The following ARB2A variants were observed in gnomAD, a reference collection of about 807,000 sequenced individuals.
ARB2A encodes the protein cotranscriptional regulator ARB2A.
chr5:94,017,788 G>C, the ARB2A span, among the ~76,000 whole-genome samples: 80 of 152,276 alleles, frequency 5.3e-4, no homozygotes, highest in African/African-American at 1.8e-3. Flanking sequence ...GTGTAGCCTG[G>C]AAGTGGATGA....
At chr5:94,058,571 T>G in the ARB2A span, among the ~76,000 whole-genome samples, 2 of 152,284 alleles carry the variant, frequency 1.3e-5, no homozygotes, top group African/African-American at 4.8e-5. Context: ...AAATTAAAAA[T>G]AGACTGTTAA....
At chr5:93,925,291 C>T in the ARB2A span, among the ~76,000 whole-genome samples, 22 of 152,152 alleles carry the variant, frequency 1.4e-4, no homozygotes, top group South Asian at 4.2e-3. Context: ...CAGCATTGTA[C>T]GAGACTATGA....
At chr5:94,065,928 T>G in the ARB2A span, among the ~76,000 whole-genome samples, 1 of 152,174 alleles carries the variant, frequency 6.6e-6, no homozygotes, top group Non-Finnish European at 1.5e-5. Flanking sequence ...GTATACATTT[T>G]CTTCATATCA....
At chr5:94,031,282 G>A in the ARB2A span, among the ~76,000 whole-genome samples, 1 of 152,182 alleles carries the variant, frequency 6.6e-6, no homozygotes, top group African/African-American at 2.4e-5. Context: ...GTCATAACCA[G>A]AATGCTGATA....
chr5:93,621,068 G>C, the ARB2A span: 1 of 1,612,148 alleles, frequency 6.2e-7, no homozygotes, highest in African/African-American at 1.3e-5. Flanking sequence ...CTGAGGCTTC[G>C]GTAAAGAATT....
the ARB2A span, among the ~76,000 whole-genome samples, chr5:94,044,854 G>C: frequency 6.6e-6 from 1 of 151,976 alleles, no homozygotes; most frequent in African/African-American, 2.4e-5. Flanking sequence ...GTTTACCAAT[G>C]CCATGGCAAC....
chr5:93,695,775 G>A, the ARB2A span, among the ~76,000 whole-genome samples: 2 of 152,088 alleles, frequency 1.3e-5, no homozygotes, highest in African/African-American at 4.8e-5. Context: ...GCAAAGACCT[G>A]GATCCAACCC....
chr5:93,731,461 C>T, the ARB2A span, among the ~76,000 whole-genome samples: 6 of 152,192 alleles, frequency 3.9e-5, no homozygotes, highest in Non-Finnish European at 8.8e-5. Flanking sequence ...GACTTTTAGC[C>T]TCCAGAACTG....
the ARB2A span, among the ~76,000 whole-genome samples, chr5:93,645,455 T>C: frequency 1.3e-5 from 2 of 151,778 alleles, no homozygotes; most frequent in African/African-American, 4.8e-5. Context: ...GCACCTGTAG[T>C]CCCAGCTACT....
At chr5:94,042,331 T>C in the ARB2A span, among the ~76,000 whole-genome samples, 1 of 148,530 alleles carries the variant, frequency 6.7e-6, no homozygotes, top group Admixed American at 6.7e-5. Context: ...TTTTTTTTTT[T>C]TTTTTTGAGA....
the ARB2A span, among the ~76,000 whole-genome samples, chr5:93,856,968 T>C: frequency 2.0e-5 from 3 of 152,212 alleles, no homozygotes; most frequent in Non-Finnish European, 4.4e-5. Flanking sequence ...TTGGTGTGCA[T>C]GTCCTTTCTG....
At chr5:93,799,655 C>T in the ARB2A span, among the ~76,000 whole-genome samples, 34 of 152,202 alleles carry the variant, frequency 2.2e-4, no homozygotes, top group Admixed American at 1.4e-3. Flanking sequence ...CATCTGATTG[C>T]TTGTACATGG....
the ARB2A span, among the ~76,000 whole-genome samples, chr5:93,638,275 C>T: frequency 6.6e-6 from 1 of 152,086 alleles, no homozygotes; most frequent in Non-Finnish European, 1.5e-5. Flanking sequence ...CCCAAACTTA[C>T]AGTTGATGTT....
chr5:93,903,743 G>GTGTA, the ARB2A span, among the ~76,000 whole-genome samples: 1 of 149,394 alleles, frequency 6.7e-6, no homozygotes, highest in East Asian at 2.0e-4. Context: ...GTGTGTGTGT[G>GTGTA]TATAGTCCTA....
chr5:94,108,928 T>G, the ARB2A span, among the ~76,000 whole-genome samples: 1 of 152,092 alleles, frequency 6.6e-6, no homozygotes, highest in African/African-American at 2.4e-5. Flanking sequence ...TCTGGAGAGA[T>G]ATCGAAAAGA....
At chr5:93,917,024 C>T in the ARB2A span, among the ~76,000 whole-genome samples, 1 of 152,184 alleles carries the variant, frequency 6.6e-6, no homozygotes, top group Admixed American at 6.6e-5. Context: ...AGCTTACAAA[C>T]ATATTCTTTC....
the ARB2A span, among the ~76,000 whole-genome samples, chr5:93,882,592 A>G: frequency 6.6e-6 from 1 of 151,292 alleles, no homozygotes; most frequent in African/African-American, 2.4e-5. Flanking sequence ...ATTATGTCTA[A>G]TGGAATAAGC....
the ARB2A span, chr5:93,740,275 G>A: frequency 3.7e-6 from 1 of 270,100 alleles, no homozygotes; most frequent in African/African-American, 2.2e-5. Context: ...AGGAATAACA[G>A]ACACAATATT....
the ARB2A span, among the ~76,000 whole-genome samples, chr5:94,068,469 T>C: frequency 6.6e-6 from 1 of 152,108 alleles, no homozygotes; most frequent in African/African-American, 2.4e-5. Flanking sequence ...GAGTATGCAG[T>C]TGCAAGATTT....
Sources: allele counts gnomAD v4.1 joint callset (sites outside exome capture counted in the v4.1 genomes callset), GRCh38; gene constraint gnomAD v4.1.1; transcripts MANE v1.5; gene names NCBI Gene and HGNC (gene_info 2026-07-23, HGNC 2026-07-21).